Variants in SPON1 observed in about 807,000 individuals in gnomAD.
SPON1 encodes the protein spondin-1.
A neutral mutation model predicts 111.7 loss-of-function variants in SPON1; 52 were observed. That is an observed-to-expected ratio of 0.47 (90% CI 0.37 to 0.59). The LOEUF (loss-of-function observed/expected upper bound fraction) is 0.59. Ranked by LOEUF, SPON1 falls within the 20% of genes least tolerant of loss-of-function variation. SPON1 has a pLI of 0.00. For missense variants in SPON1, 957 were observed against 1,068.5 expected (o/e 0.90, Z 1.46); for synonymous variants, 410 against 395.8 (o/e 1.04, Z -0.43).
At chr11:14,075,761 G>A (rs1420726318) in intron 4 of SPON1, among the ~76,000 whole-genome samples, 1 of 152,198 alleles carries the variant, frequency 6.6e-6, no homozygotes, top group Non-Finnish European at 1.5e-5. Context: ...TAAAAAGTCT[G>A]TAATGGTTCT....
intron 6 of SPON1, among the ~76,000 whole-genome samples, chr11:14,218,282 C>T (rs1190490167): frequency 1.3e-5 from 2 of 152,094 alleles, no homozygotes; most frequent in Admixed American, 6.6e-5. Context: ...TCTCTTCCTC[C>T]CCTAGCGGGT....
intron 6 of SPON1, among the ~76,000 whole-genome samples, chr11:14,165,574 G>A (rs1028727148): frequency 5.9e-5 from 9 of 152,202 alleles, no homozygotes; most frequent in Non-Finnish European, 1.3e-4. Context: ...GTCCGAGGAT[G>A]AGGAGTACAA....
intron 3 of SPON1, among the ~76,000 whole-genome samples, chr11:14,058,856 G>T (rs1438063067): frequency 2.0e-5 from 3 of 152,252 alleles, no homozygotes; most frequent in African/African-American, 7.2e-5. Context: ...ACATGATATA[G>T]CTCATAAGTA....
intron 2 of SPON1, among the ~76,000 whole-genome samples, chr11:14,022,935 C>T (rs769312598): frequency 6.6e-5 from 10 of 152,202 alleles, no homozygotes; most frequent in Non-Finnish European, 7.3e-5. Flanking sequence ...CCAGCTGCCA[C>T]GGAAGCCTCA....
intron 6 of SPON1, among the ~76,000 whole-genome samples, chr11:14,214,367 C>T (rs1160086301): frequency 6.6e-6 from 1 of 152,172 alleles, no homozygotes; most frequent in Admixed American, 6.5e-5. Flanking sequence ...AGAATAAAAA[C>T]ATGCCCTTGC....
At chr11:13,988,456 G>A (rs1210216017) in intron 2 of SPON1, among the ~76,000 whole-genome samples, 1 of 151,162 alleles carries the variant, frequency 6.6e-6, no homozygotes, top group African/African-American at 2.4e-5. Context: ...ATTTTGGGCT[G>A]AGTGGTTTTC....
chr11:14,255,531 T>C, intron 8 of SPON1, 116 bp from the exon 9 acceptor site: 1 of 856,208 alleles, frequency 1.2e-6, no homozygotes, highest in Non-Finnish European at 1.9e-6. Context: ...ATATAAATAG[T>C]AGTTATGCTT....
intron 6 of SPON1, among the ~76,000 whole-genome samples, chr11:14,176,159 A>G (rs1405226946): frequency 1.3e-5 from 2 of 152,056 alleles, no homozygotes; most frequent in Non-Finnish European, 2.9e-5. Flanking sequence ...TGACCAGACG[A>G]ATAAGGAGGG....
rs908898203 is a variant in SPON1 at position 14,015,813 on chromosome 11, C to T, written c.346-25708C>T. Among the ~76,000 whole-genome samples the T allele has an allele frequency of 2.0e-5, 3 of 152,188 alleles. No individual in the cohort carries two copies. The East Asian group carries it at 5.8e-4, about 29-fold the overall frequency. On this transcript the variant is annotated intron_variant, in intron 2 of 15. Transcript: ENST00000576479. ...TGGAGTGAGTCATGCTGCCTGAATG[C>T]AGTGTGTCAGAGGCTCAGGGTCTCA...
chr11:14,229,610 A>T (rs1452267941), intron 6 of SPON1, among the ~76,000 whole-genome samples: 2 of 152,188 alleles, frequency 1.3e-5, no homozygotes, highest in South Asian at 2.1e-4. Context: ...CCAGTAGGGA[A>T]CAAGCTCCAC....
At chr11:14,057,844 C>CAAAAAAACAAA (rs1277903384) in intron 3 of SPON1, among the ~76,000 whole-genome samples, 1 of 125,460 alleles carries the variant, frequency 8.0e-6, no homozygotes, top group South Asian at 3.0e-4. Context: ...AAAAAAAAAA[C>CAAAAAAACAAA]AAAACAAAAA....
At chr11:14,140,199 G>T (rs1847637662) in intron 6 of SPON1, among the ~76,000 whole-genome samples, 1 of 152,144 alleles carries the variant, frequency 6.6e-6, no homozygotes, top group Non-Finnish European at 1.5e-5. Context: ...ATCCACGTCT[G>T]CTTCTTTCCA....
intron 6 of SPON1, among the ~76,000 whole-genome samples, chr11:14,192,792 G>A (rs1009063167): frequency 1.3e-5 from 2 of 150,898 alleles, no homozygotes. Context: ...TTGTGCCCGG[G>A]GGAGAACATC....
At chr11:14,029,499 T>G (rs1249631247) in intron 2 of SPON1, among the ~76,000 whole-genome samples, 3 of 151,934 alleles carry the variant, frequency 2.0e-5, no homozygotes, top group Non-Finnish European at 4.4e-5. Context: ...AAAACAGAAT[T>G]TATTGGGTGA....
At chr11:14,263,638 T>TA (rs879992104) in intron 15 of SPON1, among the ~76,000 whole-genome samples, 4 of 152,188 alleles carry the variant, frequency 2.6e-5, no homozygotes, top group Non-Finnish European at 5.9e-5. Flanking sequence ...AGCTGAGGAA[T>TA]GAGCATCATC....
intron 6 of SPON1, among the ~76,000 whole-genome samples, chr11:14,202,324 T>G (rs1442994861): frequency 1.3e-5 from 2 of 152,224 alleles, no homozygotes; most frequent in Non-Finnish European, 2.9e-5. Context: ...CTCCCTCATC[T>G]TGCAGTCATC....
At chr11:14,223,534 A>G (rs1284994152) in intron 6 of SPON1, among the ~76,000 whole-genome samples, 2 of 152,262 alleles carry the variant, frequency 1.3e-5, no homozygotes, top group Non-Finnish European at 2.9e-5. Context: ...TGGTAGCAGG[A>G]CATGTGGAAA....
At chr11:14,174,485 G>T (rs920087361) in intron 6 of SPON1, among the ~76,000 whole-genome samples, 1 of 152,016 alleles carries the variant, frequency 6.6e-6, no homozygotes, top group Admixed American at 6.5e-5. Context: ...CACAGCCTTT[G>T]ATTTTGAGAG....
At chr11:13,989,757 A>ACAACATCT (rs1848213256) in intron 2 of SPON1, among the ~76,000 whole-genome samples, 2 of 152,042 alleles carry the variant, frequency 1.3e-5, no homozygotes, top group Non-Finnish European at 2.9e-5. Context: ...CTTCGTTCTC[A>ACAACATCT]TTGGTTTCAA....
Sources: allele counts gnomAD v4.1 joint callset (sites outside exome capture counted in the v4.1 genomes callset), GRCh38; gene constraint gnomAD v4.1.1; transcripts MANE v1.5; gene names NCBI Gene and HGNC (gene_info 2026-07-23, HGNC 2026-07-21).